The following CPAMD8 variants were observed in gnomAD, a reference collection of about 807,000 sequenced individuals.
CPAMD8 encodes the protein C3 and PZP like alpha-2-macroglobulin domain containing 8, also known as C3 and PZP-like alpha-2-macroglobulin domain-containing protein 8.
CPAMD8 carries 146 observed loss-of-function variants against 224.7 expected under a neutral mutation model. The ratio of observed to expected loss-of-function variants is 0.65; its 90% CI spans 0.57 to 0.75. The LOEUF is 0.75. Ranked by LOEUF, CPAMD8 falls within the 30% of genes least tolerant of loss-of-function variation. CPAMD8 has a pLI of 0.00. For missense variants in CPAMD8, 2,301 were observed against 2,537.5 expected, an observed-to-expected ratio of 0.91 and a Z score of 2.00; for synonymous variants, 966 against 1,044.6, an observed-to-expected ratio of 0.92 and a Z score of 1.45.
At position 16,947,984 on chromosome 19, in the gene CPAMD8, G is replaced by A. The variant is rs112674103; in HGVS notation, c.2509-757C>T. Among the ~76,000 whole-genome samples, 755 of 152,308 alleles carry A rather than the reference G, an allele frequency of 5.0e-3. 9 individuals carry two copies. The highest frequency in any genetic ancestry group is 0.017 in the African/African-American group (717 of 41,570). On this transcript the variant is annotated intron_variant, in intron 20 of 41. Coordinates refer to ENST00000443236, the MANE Select transcript of CPAMD8 (RefSeq NM_015692.5). Reference sequence around the variant, plus strand: ...GTATACATGTATCATGCATGTACATGTGCATATGTATACCATGATGACTTG... The same window carrying A: ...GTATACATGTATCATGCATGTACATATGCATATGTATACCATGATGACTTG...
At chr19:16,929,327 A>T (rs1232883682) in intron 23 of CPAMD8, 87 bp from the exon 24 acceptor site, 1 of 1,112,594 alleles carries the variant, frequency 9.0e-7, no homozygotes, top group African/African-American at 1.5e-5. Flanking sequence ...GAGCACCAGG[A>T]CCACAAGGAG....
intron 20 of CPAMD8, among the ~76,000 whole-genome samples, chr19:16,949,569 C>T (rs2054234308): frequency 1.3e-5 from 2 of 152,166 alleles, no homozygotes; most frequent in South Asian, 4.1e-4. Context: ...TGACCGCTGC[C>T]TTGGTTGCTT....
intron 5 of CPAMD8, among the ~76,000 whole-genome samples, chr19:17,010,437 G>A (rs941003108): frequency 5.9e-5 from 9 of 152,068 alleles, no homozygotes; most frequent in Middle Eastern, 3.4e-3. Context: ...AGACAGTTTC[G>A]CTATGTTGCC....
chr19:17,007,559 C>T (rs2056526970), intron 7 of CPAMD8, among the ~76,000 whole-genome samples: 1 of 151,910 alleles, frequency 6.6e-6, no homozygotes, highest in Admixed American at 6.6e-5. Context: ...GGCTGAGACC[C>T]AAGGCAGGAG....
Position 16,992,417 on chromosome 19 carries a change from C to T in CPAMD8, c.1266+999G>A, listed in dbSNP as rs189727703. Among the ~76,000 whole-genome samples the T allele has an allele frequency of 2.6e-5, 4 of 152,138 alleles. No homozygotes were observed. In the East Asian group the frequency reaches 7.8e-4, roughly 29 times the overall value. On this transcript the variant is annotated intron_variant, in intron 12 of 41. Transcript: ENST00000443236. ...CCAGCCTGGGCAACATAGCAAGACCCCATCTCTACAGAAAAATTTATTATT... is the reference window on the plus strand; with the variant it reads ...CCAGCCTGGGCAACATAGCAAGACCTCATCTCTACAGAAAAATTTATTATT...
At chr19:16,935,325 G>A (rs567851329) in intron 23 of CPAMD8, among the ~76,000 whole-genome samples, 6 of 151,854 alleles carry the variant, frequency 4.0e-5, no homozygotes, top group Non-Finnish European at 7.4e-5. Context: ...GTAGGTACAC[G>A]AATCCACTAC....
chr19:16,910,336 A>G (rs566278091), intron 29 of CPAMD8, among the ~76,000 whole-genome samples: 1 of 148,544 alleles, frequency 6.7e-6, no homozygotes, highest in South Asian at 2.1e-4. Flanking sequence ...CACCCAGCTA[A>G]TTTTTGTATT....
Position 16,936,985 on chromosome 19 carries a change from CTCCT to C in CPAMD8, c.2845+1406_2845+1409del, listed in dbSNP as rs201574366. ...AGATCTTTTTTTCCCTCTTTTCTTTCTCCTTCCTTCCTTCCTTCCTTTTTTCCTT... is the reference window on the plus strand; with the variant it reads ...AGATCTTTTTTTCCCTCTTTTCTTTCTCCTTCCTTCCTTCCTTTTTTCCTT... On this transcript the variant is annotated intron_variant, in intron 23 of 41. Coordinates refer to ENST00000443236, the MANE Select transcript of CPAMD8 (RefSeq NM_015692.5). Among the ~76,000 whole-genome samples the C allele has an allele frequency of 2.0e-3, 300 of 150,916 alleles. 2 individuals are homozygous for C. Among genetic ancestry groups the C allele is most frequent in the Middle Eastern group, 6.8e-3 (2 of 294 alleles).
intron 10 of CPAMD8, 51 bp downstream of exon 10, chr19:17,000,363 A>C (rs2056269665): frequency 1.3e-6 from 1 of 745,304 alleles, no homozygotes; most frequent in South Asian, 1.4e-5. Context: ...GTGCTGGTGG[A>C]GGTGAACCTG....
chr19:16,961,534 A>G (rs908552215), intron 18 of CPAMD8, among the ~76,000 whole-genome samples: 2 of 152,256 alleles, frequency 1.3e-5, no homozygotes, highest in Non-Finnish European at 2.9e-5. Context: ...GGCGGAGCCC[A>G]CTGCAGCTCA....
At chr19:16,973,005 T>C (rs2055118454) in intron 17 of CPAMD8, among the ~76,000 whole-genome samples, 1 of 151,712 alleles carries the variant, frequency 6.6e-6, no homozygotes, top group Non-Finnish European at 1.5e-5. Flanking sequence ...CCCATCTCTA[T>C]AAATACGAAA....
Position 16,914,686 on chromosome 19 carries a change from C to T in CPAMD8, c.3757G>A (p.Val1253Met), listed in dbSNP as rs371740384. 6.3e-5 allele frequency: 102 copies of T among 1,613,876 alleles called. No individual in the cohort carries two copies. In the Middle Eastern group the frequency reaches 2.0e-3, roughly 31 times the overall value. The change falls in exon 28 of 42, where the codon GTG becomes ATG. Residue 1253 changes from valine to methionine, a missense_variant. By Grantham distance (21) the Val-to-Met change is conservative. This residue lies in a region of CPAMD8 where 1,709 missense variants were observed against 1,753.2 expected (regional missense o/e 0.97). Coordinates refer to ENST00000443236, the MANE Select transcript of CPAMD8 (RefSeq NM_015692.5). Reference sequence around the variant, plus strand: ...ATGTCCTTGTTCAGGACCCTGCCCACGGCCAGGAAGGAGCCATCGGCCTGC... The same window carrying T: ...ATGTCCTTGTTCAGGACCCTGCCCATGGCCAGGAAGGAGCCATCGGCCTGC... The part of the protein sequence containing the change: ...QQQADGSFLA[V>M]GRVLNKDIQG...
intron 7 of CPAMD8, among the ~76,000 whole-genome samples, chr19:17,007,927 G>T (rs1035143275): frequency 2.6e-5 from 4 of 152,238 alleles, no homozygotes; most frequent in Non-Finnish European, 5.9e-5. Flanking sequence ...CACCACTTTG[G>T]GAGGACAAGG....
At chr19:16,916,249 A>G (rs1348989163) in intron 27 of CPAMD8, among the ~76,000 whole-genome samples, 1 of 152,058 alleles carries the variant, frequency 6.6e-6, no homozygotes, top group Non-Finnish European at 1.5e-5. Flanking sequence ...CCTGGGCTCC[A>G]GTGATCCTCC....
chr19:16,976,907 T>G (rs920523014), intron 15 of CPAMD8, among the ~76,000 whole-genome samples: 3 of 152,056 alleles, frequency 2.0e-5, no homozygotes, highest in Non-Finnish European at 4.4e-5. Context: ...CCAGACATGG[T>G]GGCACATGCC....
chr19:16,904,176 A>AGGGCGCCCC, intron 32 of CPAMD8, 50 bp downstream of exon 32: 2 of 937,340 alleles, frequency 2.1e-6, no homozygotes, highest in Non-Finnish European at 3.3e-6. Flanking sequence ...GACTGCAGGG[A>AGGGCGCCCC]CCCCACCCAC....
At chr19:16,949,782 G>A (rs184924752) in intron 20 of CPAMD8, among the ~76,000 whole-genome samples, 1 of 151,988 alleles carries the variant, frequency 6.6e-6, no homozygotes, top group Non-Finnish European at 1.5e-5. Context: ...TGCCCTTCCC[G>A]CCCCGATGCC....
chr19:16,947,266 A>G (rs1013092909), intron 20 of CPAMD8, 39 bp from the exon 21 acceptor site: 20 of 1,584,050 alleles, frequency 1.3e-5, no homozygotes, highest in Non-Finnish European at 1.7e-5. Context: ...CCTGGAATCC[A>G]GACCCCCTCC....
intron 20 of CPAMD8, among the ~76,000 whole-genome samples, chr19:16,949,688 C>T (rs1009511935): frequency 1.3e-5 from 2 of 152,194 alleles, no homozygotes; most frequent in Admixed American, 6.5e-5. Flanking sequence ...AAAGCCAAGC[C>T]AAACTATGTC....
Sources: gnomAD v4.1 joint callset for allele counts (sites outside exome capture counted in the v4.1 genomes callset) on GRCh38, gnomAD v4.1.1 for gene constraint, gnomAD v4.1.1 regional missense constraint, MANE v1.5 for transcripts, NCBI Gene and HGNC (gene_info 2026-07-23, HGNC 2026-07-21) for gene names.